The following CYB5R4 variants were observed in gnomAD, a reference collection of about 807,000 sequenced individuals.
CYB5R4 encodes cytochrome b5 reductase 4.
A neutral mutation model predicts 70.2 loss-of-function variants in CYB5R4; 55 were observed. That is an observed-to-expected ratio of 0.78 (90% CI 0.63 to 0.98). The LOEUF is 0.98. Among genes scored for constraint, CYB5R4 ranks in the 50% least tolerant of loss-of-function variants. The probability of loss-of-function intolerance (pLI) is 0.00; values close to 1 mark genes in which losing one functional copy is unlikely to be tolerated. For missense variants in CYB5R4, 562 were observed against 612.6 expected (o/e 0.92, Z 0.87); for synonymous variants, 197 against 199.5 (o/e 0.99, Z 0.11).
Position 83,934,717 on chromosome 6 carries a change from C to A in CYB5R4, c.937C>A (p.Leu313Ile), listed in dbSNP as rs1251830746. ...LQVPIGQHVY[L>I]KLPITGTEIV... is the part of the protein sequence containing the mutation. ...AGTGCCCATTGGGCAACATGTTTAC[C>A]TCAAGCTACCTATTACAGGTAAGGT... The change falls in exon 11 of 16, where the codon CTC (leucine) becomes ATC (isoleucine). Residue 313 changes from leucine (L) to isoleucine (I), a missense_variant. Physicochemically the swap from Leu to Ile is conservative, Grantham distance 5 (BLOSUM62 2). Coordinates refer to ENST00000369681, the MANE Select transcript of CYB5R4 (RefSeq NM_016230.4). 8 of 1,613,000 alleles carry A rather than the reference C, an allele frequency of 5.0e-6. No homozygotes were observed. The highest frequency in any genetic ancestry group is 5.1e-6 in the Non-Finnish European group (6 of 1,179,520).
intron 3 of CYB5R4, among the ~76,000 whole-genome samples, chr6:83,907,025 G>A (rs1393256738): frequency 6.6e-6 from 1 of 152,118 alleles, no homozygotes; most frequent in African/African-American, 2.4e-5. Flanking sequence ...TTATATACAT[G>A]CAAATATTTT....
At chr6:83,941,813 A>G (rs2099469813) in intron 14 of CYB5R4, among the ~76,000 whole-genome samples, 1 of 152,198 alleles carries the variant, frequency 6.6e-6, no homozygotes, top group South Asian at 2.1e-4. Flanking sequence ...TCAAGTTCTT[A>G]GTTTTTCAAG....
intron 3 of CYB5R4, among the ~76,000 whole-genome samples, chr6:83,899,923 G>T (rs1283036787): frequency 6.6e-6 from 1 of 152,210 alleles, no homozygotes; most frequent in East Asian, 1.9e-4. Context: ...CCAGCTCCTG[G>T]ATTCATTGAT....
chr6:83,880,567 T>C (rs1313780131), intron 2 of CYB5R4, among the ~76,000 whole-genome samples: 2 of 152,216 alleles, frequency 1.3e-5, no homozygotes, highest in African/African-American at 4.8e-5. Flanking sequence ...ATGTGGCTAT[T>C]GCTAATGACT....
chr6:83,940,027 T>C, intron 12 of CYB5R4, 29 bp from the exon 13 acceptor site: 1 of 1,470,636 alleles, frequency 6.8e-7, no homozygotes, highest in Non-Finnish European at 9.2e-7. Context: ...TTTTTTTTTT[T>C]CTGATTTAGC....
At chr6:83,942,813 T>TG (rs757419665) in intron 14 of CYB5R4, among the ~76,000 whole-genome samples, 40 of 151,946 alleles carry the variant, frequency 2.6e-4, no homozygotes, top group Middle Eastern at 6.8e-3. Flanking sequence ...CTTGAGTAGG[T>TG]GGTTTTCCAC....
At position 83,956,759 on chromosome 6, in the gene CYB5R4, T is replaced by G. The variant is rs1340424244; in HGVS notation, c.1511+1297T>G. Among the ~76,000 whole-genome samples, 4 of 152,170 alleles carry G rather than the reference T, an allele frequency of 2.6e-5. No individual in the cohort carries two copies. In the East Asian group the frequency reaches 5.8e-4, roughly 22 times the overall value. ...TGTTTTGGGGTAAAACATTTTTATT[T>G]TCTTCCTTGTCTCGTAATGTTATGC... On this transcript the variant is annotated intron_variant, in intron 15 of 15. Coordinates refer to ENST00000369681, the MANE Select transcript of CYB5R4 (RefSeq NM_016230.4).
intron 14 of CYB5R4, among the ~76,000 whole-genome samples, chr6:83,948,316 A>G (rs892658982): frequency 6.6e-6 from 1 of 152,192 alleles, no homozygotes; most frequent in Admixed American, 6.5e-5. Context: ...GAGTTGAACA[A>G]TGAGAACATA....
intron 7 of CYB5R4, among the ~76,000 whole-genome samples, chr6:83,920,440 G>A (rs960292478): frequency 5.9e-5 from 9 of 152,026 alleles, no homozygotes; most frequent in African/African-American, 1.7e-4. Flanking sequence ...AAAACCCAGA[G>A]CACAGGCTCT....
rs1488790367 is a variant in CYB5R4, at chr6:83,893,645, A to G, written c.330+23A>G. 6 of 1,365,834 alleles carry G rather than the reference A, an allele frequency of 4.4e-6. No individual in the cohort carries two copies. The African/African-American group carries it at 7.2e-5, about 16-fold the overall frequency. 84.6% of individuals were successfully genotyped at this position (1,365,834 alleles called of 1,614,324 possible). On this transcript the variant is annotated intron_variant, in intron 3 of 15. Transcript: ENST00000369681. ...CAGGTAAGATGTGCTGAAAGTAACC[A>G]AAGTATTCCGGTGGAAGAGTACTCA...
chr6:83,940,018 T>G (rs777682183), intron 12 of CYB5R4, 38 bp from the exon 13 acceptor site: 5 of 1,461,522 alleles, frequency 3.4e-6, no homozygotes, highest in Non-Finnish European at 3.7e-6. Flanking sequence ...GTTTTTTGTT[T>G]TTTTTTTTTC....
chr6:83,922,375 A>T, intron 8 of CYB5R4, 63 bp from the exon 9 acceptor site: 1 of 1,353,176 alleles, frequency 7.4e-7, no homozygotes, highest in Admixed American at 1.8e-5. Flanking sequence ...TAAATGACAT[A>T]TGGTGTTCAA....
chr6:83,956,208 G>A (rs949835655), intron 15 of CYB5R4, among the ~76,000 whole-genome samples: 7 of 152,102 alleles, frequency 4.6e-5, no homozygotes, highest in Admixed American at 3.3e-4. Context: ...TATAGTGACC[G>A]TGGCCTGTGA....
chr6:83,899,957 TC>T (rs1374919516), intron 3 of CYB5R4, among the ~76,000 whole-genome samples: 1 of 152,186 alleles, frequency 6.6e-6, no homozygotes, highest in Non-Finnish European at 1.5e-5. Flanking sequence ...TTTTTATGTC[TC>T]TATCTCCTTC....
chr6:83,867,453 A>G (rs2099456913), intron 2 of CYB5R4, among the ~76,000 whole-genome samples: 1 of 152,180 alleles, frequency 6.6e-6, no homozygotes, highest in Non-Finnish European at 1.5e-5. Context: ...TCTTGAAGGG[A>G]TTTGAATGTG....
At chr6:83,956,373 G>T (rs2147860) in intron 15 of CYB5R4, among the ~76,000 whole-genome samples, 5,947 of 152,074 alleles carry the variant, frequency 0.039, 169 homozygotes, top group East Asian at 0.13. Flanking sequence ...AGCTGGATTG[G>T]GGGGGGCACG....
intron 14 of CYB5R4, among the ~76,000 whole-genome samples, chr6:83,944,696 A>G (rs576678508): frequency 8.5e-5 from 13 of 152,274 alleles, no homozygotes; most frequent in African/African-American, 3.1e-4. Context: ...GACCCATCTC[A>G]TGTACAAAGA....
rs2099468654 is a variant in CYB5R4 at position 83,934,697 on chromosome 6, C to A, written c.917C>A (p.Pro306His). 1 of 1,613,386 alleles carries A rather than the reference C, an allele frequency of 6.2e-7. No homozygotes were observed. The highest frequency in any genetic ancestry group is 1.3e-5 in the African/African-American group (1 of 74,884). ...CCACCAAGCACTCATCTTCAAGTGC[C>A]CATTGGGCAACATGTTTACCTCAAG... Reference protein sequence around the residue: ...MLPPSTHLQVPIGQHVYLKLP... With the variant: ...MLPPSTHLQVHIGQHVYLKLP... The change falls in exon 11 of 16, where the codon CCC becomes CAC. Residue 306 changes from proline to histidine, a missense_variant. Physicochemically the swap from Pro to His is moderately conservative, Grantham distance 77. Transcript: ENST00000369681.
intron 1 of CYB5R4, 54 bp downstream of exon 1, chr6:83,859,911 G>C (rs368484667): frequency 6.6e-6 from 10 of 1,518,660 alleles, no homozygotes; most frequent in Non-Finnish European, 8.9e-6. Context: ...AGCTCTGGCA[G>C]TGTGTTCTCT....
Sources: gnomAD v4.1 joint callset for allele counts (sites outside exome capture counted in the v4.1 genomes callset) on GRCh38, gnomAD v4.1.1 for gene constraint, MANE v1.5 for transcripts, NCBI Gene and HGNC (gene_info 2026-07-23, HGNC 2026-07-21) for gene names.